Variants in VWA3B observed in about 807,000 individuals in gnomAD.
VWA3B encodes the protein von Willebrand factor A domain containing 3B, also known as von Willebrand factor A domain-containing protein 3B.
In VWA3B, 138 loss-of-function variants were observed where a neutral mutation model predicts 158.3. The observed-to-expected ratio is 0.87, with a 90% CI of 0.76 to 1.00. The LOEUF (loss-of-function observed/expected upper bound fraction) is 1.00. Among genes scored for constraint, VWA3B ranks in the 50% least tolerant of loss-of-function variants. The pLI is 0.00. For missense variants in VWA3B, 1,555 were observed against 1,565.1 expected (o/e 0.99, Z 0.11); for synonymous variants, 596 against 587.3 (o/e 1.01, Z -0.21).
intron 21 of VWA3B, among the ~76,000 whole-genome samples, chr2:98,265,814 A>C (rs2105865449): frequency 7.0e-6 from 1 of 143,366 alleles, no homozygotes; most frequent in Non-Finnish European, 1.5e-5. Flanking sequence ...GCATTTTTTC[A>C]TGTGTTTTTT....
At chr2:98,210,797 G>A (rs1683445830) in intron 12 of VWA3B, among the ~76,000 whole-genome samples, 1 of 152,084 alleles carries the variant, frequency 6.6e-6, no homozygotes, top group African/African-American at 2.4e-5. Context: ...GAAGGGTCTG[G>A]CCTCGCTTTA....
At chr2:98,167,679 C>T (rs1679203877) in intron 8 of VWA3B, among the ~76,000 whole-genome samples, 1 of 152,138 alleles carries the variant, frequency 6.6e-6, no homozygotes, top group Non-Finnish European at 1.5e-5. Context: ...AAAGGGTCCC[C>T]CTCAAGAATT....
chr2:98,109,913 AT>A (rs946005680), intron 2 of VWA3B, among the ~76,000 whole-genome samples: 1 of 150,700 alleles, frequency 6.6e-6, no homozygotes, highest in Non-Finnish European at 1.5e-5. Context: ...TGCTTTAAAG[AT>A]TTTTTTATTT....
At chr2:98,146,847 G>C (rs1189811402) in intron 7 of VWA3B, among the ~76,000 whole-genome samples, 1 of 152,158 alleles carries the variant, frequency 6.6e-6, no homozygotes, top group Non-Finnish European at 1.5e-5. Flanking sequence ...TGGAAGTAAA[G>C]GCTAAGTATA....
chr2:98,284,073 G>T (rs1191605859), intron 22 of VWA3B, among the ~76,000 whole-genome samples: 3 of 152,224 alleles, frequency 2.0e-5, no homozygotes, highest in African/African-American at 7.2e-5. Context: ...CAGCAAATGT[G>T]CAAGTTCCAC....
At chr2:98,201,400 T>C (rs1038967230) in intron 12 of VWA3B, among the ~76,000 whole-genome samples, 2 of 152,206 alleles carry the variant, frequency 1.3e-5, no homozygotes, top group African/African-American at 4.8e-5. Flanking sequence ...TGTAGATTAC[T>C]TGGGATTTCC....
intron 25 of VWA3B, among the ~76,000 whole-genome samples, chr2:98,303,244 G>C (rs1203112095): frequency 6.6e-6 from 1 of 151,994 alleles, no homozygotes; most frequent in East Asian, 1.9e-4. Context: ...CTGGAGGCTA[G>C]AGTGGCATGG....
downstream of VWA3B, among the ~76,000 whole-genome samples, chr2:98,314,763 CTGT>C (rs1001666127): frequency 3.5e-4 from 53 of 152,308 alleles, no homozygotes; most frequent in African/African-American, 1.2e-3. Flanking sequence ...TGGCTCACGC[CTGT>C]TATCCCAGCA....
At chr2:98,204,996 A>C (rs1336754360) in intron 12 of VWA3B, among the ~76,000 whole-genome samples, 2 of 152,172 alleles carry the variant, frequency 1.3e-5, no homozygotes, top group Admixed American at 1.3e-4. Context: ...CTGTAATCCC[A>C]GCTACTTGGG....
intron 19 of VWA3B, among the ~76,000 whole-genome samples, chr2:98,249,409 A>G (rs1686651334): frequency 6.6e-6 from 1 of 152,208 alleles, no homozygotes; most frequent in African/African-American, 2.4e-5. Flanking sequence ...GAATTTGGAA[A>G]AAAAGATTGA....
intron 19 of VWA3B, among the ~76,000 whole-genome samples, chr2:98,243,741 T>C (rs925106970): frequency 5.3e-5 from 8 of 152,338 alleles, no homozygotes; most frequent in Non-Finnish European, 1.2e-4. Flanking sequence ...CCTGCAGGTG[T>C]TTCAGTTTGA....
chr2:98,094,921 A>C (rs187805862), intron 2 of VWA3B, among the ~76,000 whole-genome samples: 2 of 152,148 alleles, frequency 1.3e-5, no homozygotes, highest in Admixed American at 1.3e-4. Context: ...TCAAAAATCA[A>C]TTGGCTGTAC....
intron 26 of VWA3B, among the ~76,000 whole-genome samples, chr2:98,310,769 T>C (rs1017556935): frequency 1.3e-5 from 2 of 152,206 alleles, no homozygotes; most frequent in African/African-American, 4.8e-5. Context: ...AAAGATGATT[T>C]TGTCTGTGGC....
intron 1 of VWA3B, among the ~76,000 whole-genome samples, chr2:98,090,868 G>A (rs1415233490): frequency 1.3e-5 from 2 of 151,050 alleles, no homozygotes; most frequent in Middle Eastern, 3.4e-3. Context: ...CAATCCTCCT[G>A]CTGCAGCCTC....
At chr2:98,198,204 C>A (rs953491808) in intron 12 of VWA3B, among the ~76,000 whole-genome samples, 2 of 152,042 alleles carry the variant, frequency 1.3e-5, no homozygotes, top group African/African-American at 4.8e-5. Flanking sequence ...TTATTTGCAA[C>A]TTCTTCAACA....
intron 2 of VWA3B, among the ~76,000 whole-genome samples, chr2:98,111,101 A>G (rs1573789188): frequency 3.3e-5 from 5 of 152,286 alleles, no homozygotes; most frequent in African/African-American, 1.2e-4. Context: ...GGGCTAATAC[A>G]ACCCCTGCTC....
At chr2:98,196,197 A>G (rs1009540792) in intron 12 of VWA3B, among the ~76,000 whole-genome samples, 4 of 152,166 alleles carry the variant, frequency 2.6e-5, no homozygotes, top group Non-Finnish European at 5.9e-5. Flanking sequence ...CTGGAGCTCT[A>G]TTGTACAACA....
At chr2:98,116,850 C>T (rs914524250) in intron 3 of VWA3B, among the ~76,000 whole-genome samples, 5 of 152,174 alleles carry the variant, frequency 3.3e-5, no homozygotes, top group Admixed American at 2.6e-4. Context: ...TGTCTGCCTA[C>T]ATTGATTCAA....
At chr2:98,179,693 C>T (rs1443534107) in intron 8 of VWA3B, among the ~76,000 whole-genome samples, 1 of 151,320 alleles carries the variant, frequency 6.6e-6, no homozygotes, top group Non-Finnish European at 1.5e-5. Context: ...CTTTCTCTTC[C>T]TTTCTTTTTC....
Sources: gnomAD v4.1 joint callset for allele counts (sites outside exome capture counted in the v4.1 genomes callset) on GRCh38, gnomAD v4.1.1 for gene constraint, MANE v1.5 for transcripts, NCBI Gene and HGNC (gene_info 2026-07-23, HGNC 2026-07-21) for gene names.